The following GABBR2 variants were observed in gnomAD, a reference collection of about 807,000 sequenced individuals.
GABBR2 encodes the protein gamma-aminobutyric acid type B receptor subunit 2.
GABBR2 carries 23 observed loss-of-function variants against 105.6 expected under a neutral mutation model. The observed-to-expected ratio is 0.22, with a 90% CI of 0.16 to 0.31. The LOEUF is 0.31. GABBR2 is among the 10% of genes least tolerant of loss of function. The pLI is 1.00. For missense variants in GABBR2, 734 were observed against 1,245.5 expected, an observed-to-expected ratio of 0.59 and a Z score of 6.18; for synonymous variants, 478 against 499.7, an observed-to-expected ratio of 0.96 and a Z score of 0.58.
At chr9:98,650,886 A>G (rs1182659423) in intron 1 of GABBR2, among the ~76,000 whole-genome samples, 1 of 152,192 alleles carries the variant, frequency 6.6e-6, no homozygotes, top group African/African-American at 2.4e-5. Context: ...AGGGACAGGA[A>G]GTAGAATGGT....
chr9:98,293,029 A>G (rs1830325294), intron 18 of GABBR2, among the ~76,000 whole-genome samples: 1 of 152,150 alleles, frequency 6.6e-6, no homozygotes, highest in Non-Finnish European at 1.5e-5. Context: ...CTCTAATACT[A>G]AAGAGCCCCA....
At chr9:98,418,488 T>C (rs1050542369) in intron 7 of GABBR2, among the ~76,000 whole-genome samples, 1 of 152,082 alleles carries the variant, frequency 6.6e-6, no homozygotes. Flanking sequence ...TGAGCTATGA[T>C]TGTGCCAGTG....
At chr9:98,438,247 A>G (rs528504918) in intron 7 of GABBR2, among the ~76,000 whole-genome samples, 1 of 151,954 alleles carries the variant, frequency 6.6e-6, no homozygotes, top group East Asian at 1.9e-4. Context: ...CCACATATTC[A>G]TCACTCATTC....
intron 1 of GABBR2, among the ~76,000 whole-genome samples, chr9:98,618,950 C>T (rs1829631199): frequency 6.6e-6 from 1 of 152,098 alleles, no homozygotes; most frequent in South Asian, 2.1e-4. Context: ...CCTGGCCTGA[C>T]TTTTCTTTTA....
intron 6 of GABBR2, among the ~76,000 whole-genome samples, chr9:98,472,887 C>T (rs1480393153): frequency 6.6e-6 from 1 of 152,118 alleles, no homozygotes; most frequent in Non-Finnish European, 1.5e-5. Flanking sequence ...CTCTATTATT[C>T]ATATATGTAT....
chr9:98,498,081 A>C (rs989961146), intron 3 of GABBR2, among the ~76,000 whole-genome samples: 1 of 152,262 alleles, frequency 6.6e-6, no homozygotes, highest in Non-Finnish European at 1.5e-5. Context: ...CACATGCTAC[A>C]ACATGGATGA....
chr9:98,329,774 T>G (rs1564019474), intron 13 of GABBR2, among the ~76,000 whole-genome samples: 1 of 152,112 alleles, frequency 6.6e-6, no homozygotes, highest in Non-Finnish European at 1.5e-5. Flanking sequence ...TGTATTCTCC[T>G]CCAGGAGTCA....
At chr9:98,384,575 A>G (rs1341149282) in intron 11 of GABBR2, among the ~76,000 whole-genome samples, 2 of 152,154 alleles carry the variant, frequency 1.3e-5, no homozygotes, top group African/African-American at 4.8e-5. Flanking sequence ...GGGCAACAAG[A>G]GTGAAACTCT....
In GABBR2 at chr9:98,454,214, G is replaced by T; in HGVS notation, c.1003C>A (p.Pro335Thr). The T allele has an allele frequency of 6.2e-7, 1 of 1,610,034 alleles. No homozygotes were observed. The highest frequency in any genetic ancestry group is 8.5e-7 in the Non-Finnish European group (1 of 1,176,252). The change falls in exon 7 of 19, where the codon CCA becomes ACA. Residue 335 changes from proline (P) to threonine (T), a missense_variant. This residue lies in a region of GABBR2 where 370 missense variants were observed against 648.9 expected (regional missense o/e 0.57). Coordinates refer to ENST00000259455, the MANE Select transcript of GABBR2 (RefSeq NM_005458.8). This position sits in a 1 kb window ranked among gnomAD's most constrained non-coding sequence, Gnocchi z 4.6. ...KQIKTISGKT[P>T]QQYEREYNNK... is the part of the protein sequence containing the mutation. ...TTGTACTCTCTCTCATACTGCTGTG[G>T]AGTCTGGAAAAACAGGGGATTGGGG...
intron 1 of GABBR2, among the ~76,000 whole-genome samples, chr9:98,596,274 G>C (rs2131800261): frequency 6.6e-6 from 1 of 152,380 alleles, no homozygotes; most frequent in African/African-American, 2.4e-5. Flanking sequence ...GGGCTGGAAA[G>C]AGTGCTGGCA....
rs190499804 is a variant in GABBR2, at chr9:98,458,343, G to A, written c.1000-4126C>T. ...CACAGAGTCTCATTTGGAAGTACAC[G>A]AGAGAATATTTAGTTTGCTGGTTCC... On this transcript the variant is annotated intron_variant, in intron 6 of 18. Transcript: ENST00000259455. Among the ~76,000 whole-genome samples, 308 of 152,352 alleles carry A rather than the reference G, an allele frequency of 2.0e-3. 2 individuals carry two copies. The highest frequency in any genetic ancestry group is 6.5e-3 in the African/African-American group (270 of 41,588).
rs1040782837 is a variant in GABBR2 at position 98,288,728 on chromosome 9, A to G, written c.*1856T>C. ...GAGAATGACTTCAACTTGACCTGTG[A>G]TGTGTTAACATTTTTTTTTCCCTAA... On this transcript the variant is annotated 3_prime_UTR_variant, in exon 19 of 19. Transcript: ENST00000259455. The G allele has an allele frequency of 6.6e-6, 1 of 152,538 alleles. No individual in the cohort carries two copies. The highest frequency in any genetic ancestry group is 2.4e-5 in the African/African-American group (1 of 41,452). 9.4% of individuals were successfully genotyped at this position (152,538 alleles called of 1,614,324 possible). A position where few individuals can be genotyped will look rare whatever the true frequency, so the allele number is the denominator to read the frequency against.
At chr9:98,398,607 G>A (rs1003219147) in intron 8 of GABBR2, among the ~76,000 whole-genome samples, 1 of 152,034 alleles carries the variant, frequency 6.6e-6, no homozygotes, top group Admixed American at 6.5e-5. Flanking sequence ...AGATCACTTC[G>A]GCTCCTGCTC....
chr9:98,618,564 C>T (rs1829623619), intron 1 of GABBR2, among the ~76,000 whole-genome samples: 1 of 151,536 alleles, frequency 6.6e-6, no homozygotes, highest in South Asian at 2.1e-4. Flanking sequence ...ATATTTCTGT[C>T]TATTTCTCTC....
intron 7 of GABBR2, among the ~76,000 whole-genome samples, chr9:98,451,400 C>T (rs1826226886): frequency 6.6e-6 from 1 of 152,226 alleles, no homozygotes; most frequent in African/African-American, 2.4e-5. Flanking sequence ...GGCTGTGCTA[C>T]AGAAATGGAC....
chr9:98,353,308 C>A (rs939665205), intron 13 of GABBR2, among the ~76,000 whole-genome samples: 5 of 152,180 alleles, frequency 3.3e-5, no homozygotes, highest in African/African-American at 1.2e-4. Context: ...ACTTCTAATT[C>A]GAATTATCTT....
intron 9 of GABBR2, 72 bp downstream of exon 9, chr9:98,394,103 A>C: frequency 9.2e-7 from 1 of 1,082,842 alleles, no homozygotes; most frequent in Non-Finnish European, 1.4e-6. Context: ...GCTTGTCCCT[A>C]ACCCTTAGAC....
intron 1 of GABBR2, among the ~76,000 whole-genome samples, chr9:98,639,158 G>A (rs1165835445): frequency 1.3e-5 from 2 of 152,178 alleles, no homozygotes. Context: ...AGAAGAGTCT[G>A]TGAAGGCCCA....
intron 1 of GABBR2, among the ~76,000 whole-genome samples, chr9:98,596,621 C>T (rs978946276): frequency 2.6e-5 from 4 of 152,178 alleles, no homozygotes; most frequent in Non-Finnish European, 4.4e-5. Context: ...GATGTGGTCA[C>T]GACAGGACCA....
Sources: allele counts gnomAD v4.1 joint callset (sites outside exome capture counted in the v4.1 genomes callset), GRCh38; gene constraint gnomAD v4.1.1; regional missense constraint gnomAD v4.1.1; non-coding constraint Gnocchi (gnomAD v3.1); transcripts MANE v1.5; gene names NCBI Gene and HGNC (gene_info 2026-07-23, HGNC 2026-07-21).